Variants in DENND1B observed in about 807,000 individuals in gnomAD.
DENND1B encodes DENN domain containing 1B, also known as DENN domain-containing protein 1B.
DENND1B carries 59 observed loss-of-function variants against 90.1 expected under a neutral mutation model. The ratio of observed to expected loss-of-function variants is 0.65; its 90% CI spans 0.53 to 0.81. The LOEUF (loss-of-function observed/expected upper bound fraction) is 0.81. Among genes scored for constraint, DENND1B ranks in the 40% least tolerant of loss-of-function variants. The probability of loss-of-function intolerance (pLI) is 0.00; values close to 1 mark genes in which losing one functional copy is unlikely to be tolerated. For synonymous variants in DENND1B, 337 were observed against 324.6 expected, an observed-to-expected ratio of 1.04 and a Z score of -0.41; for missense variants, 862 against 912.6, an observed-to-expected ratio of 0.94 and a Z score of 0.71.
chr1:197,558,539 G>A (rs1457899768), intron 15 of DENND1B, among the ~76,000 whole-genome samples: 2 of 151,638 alleles, frequency 1.3e-5, no homozygotes, highest in African/African-American at 2.4e-5. Context: ...CAGAGGCCAC[G>A]CTCTAGTTTT....
intron 5 of DENND1B, among the ~76,000 whole-genome samples, chr1:197,664,680 T>C (rs754564119): frequency 2.6e-5 from 4 of 152,152 alleles, no homozygotes; most frequent in East Asian, 3.8e-4. Context: ...ACCTAACTTA[T>C]AGTAATCAAA....
intron 10 of DENND1B, among the ~76,000 whole-genome samples, chr1:197,634,625 T>C (rs1384787220): frequency 6.6e-6 from 1 of 152,058 alleles, no homozygotes; most frequent in Non-Finnish European, 1.5e-5. Flanking sequence ...GGCATAGACT[T>C]TTAAAAAAAA....
At chr1:197,544,286 T>G (rs1366426727) in intron 18 of DENND1B, among the ~76,000 whole-genome samples, 1 of 152,136 alleles carries the variant, frequency 6.6e-6, no homozygotes, top group African/African-American at 2.4e-5. Flanking sequence ...TGGTGTTGAC[T>G]AGGTGGATAA....
chr1:197,514,725 T>G (rs1359364661), intron 20 of DENND1B, among the ~76,000 whole-genome samples: 1 of 151,660 alleles, frequency 6.6e-6, no homozygotes, highest in African/African-American at 2.4e-5. Context: ...TAAAGTTGTT[T>G]TTTTTTAATG....
chr1:197,519,047 T>C (rs948559343), intron 20 of DENND1B, among the ~76,000 whole-genome samples: 3 of 151,938 alleles, frequency 2.0e-5, no homozygotes, highest in Admixed American at 6.6e-5. Context: ...ATGTTTCTTG[T>C]CCATAGAGAT....
chr1:197,584,688 G>A (rs1223612180), intron 14 of DENND1B, among the ~76,000 whole-genome samples: 1 of 152,024 alleles, frequency 6.6e-6, no homozygotes, highest in Admixed American at 6.6e-5. Context: ...GAGGGGAGGG[G>A]TTGGGGAGGG....
At chr1:197,758,853 G>T (rs1219003053) in intron 2 of DENND1B, among the ~76,000 whole-genome samples, 4 of 150,982 alleles carry the variant, frequency 2.6e-5, no homozygotes. Flanking sequence ...TACATCTTAT[G>T]AAATTCTCTC....
chr1:197,600,750 G>GA (rs1218390668), intron 13 of DENND1B, among the ~76,000 whole-genome samples: 1 of 151,646 alleles, frequency 6.6e-6, no homozygotes, highest in Non-Finnish European at 1.5e-5. Flanking sequence ...TGAGAGATAT[G>GA]AAATAAGAAT....
intron 14 of DENND1B, among the ~76,000 whole-genome samples, chr1:197,587,769 A>G (rs1369291691): frequency 6.6e-6 from 1 of 152,150 alleles, no homozygotes; most frequent in East Asian, 1.9e-4. Context: ...CTTTATTTAT[A>G]TTATTATTAC....
chr1:197,546,667 A>C, intron 17 of DENND1B, 66 bp downstream of exon 17: 1 of 1,335,180 alleles, frequency 7.5e-7, no homozygotes, highest in Non-Finnish European at 1.0e-6. Flanking sequence ...TAAACAGCAT[A>C]CTTTTGCTGA....
intron 10 of DENND1B, among the ~76,000 whole-genome samples, chr1:197,620,083 A>G (rs994406184): frequency 6.6e-6 from 1 of 151,436 alleles, no homozygotes; most frequent in Admixed American, 6.6e-5. Flanking sequence ...GCTTTGGCAA[A>G]TATTTATTCT....
chr1:197,565,890 T>C (rs1301123516), intron 15 of DENND1B, among the ~76,000 whole-genome samples: 1 of 133,036 alleles, frequency 7.5e-6, no homozygotes, highest in East Asian at 2.1e-4. Context: ...AGTCTATCAT[T>C]GTTGGACATT....
chr1:197,679,161 T>C lies in DENND1B; in HGVS notation c.127-4992A>G, dbSNP rs80214485. Among the ~76,000 whole-genome samples the C allele has an allele frequency of 5.3e-3, 799 of 151,902 alleles. 8 individuals are homozygous for C. Among genetic ancestry groups the C allele is most frequent in the African/African-American group, 0.018 (743 of 41,508 alleles). ...TTCTGCCATAAAAAGAACTATGTTA[T>C]AAAATATAAATTTCAGAAATTTCAG... On this transcript the variant is annotated intron_variant, in intron 3 of 22. Transcript: ENST00000620048.
chr1:197,665,093 T>C (rs1007297907), intron 5 of DENND1B, among the ~76,000 whole-genome samples: 1 of 152,130 alleles, frequency 6.6e-6, no homozygotes, highest in African/African-American at 2.4e-5. Flanking sequence ...AGGATAGACA[T>C]GTCATAGAAA....
intron 5 of DENND1B, among the ~76,000 whole-genome samples, chr1:197,671,666 G>T (rs183880187): frequency 4.9e-4 from 75 of 152,174 alleles, no homozygotes; most frequent in African/African-American, 1.0e-3. Context: ...TCTTAAAGCA[G>T]CAGTTCACTT....
chr1:197,571,508 C>T (rs544458375), intron 15 of DENND1B, among the ~76,000 whole-genome samples: 206 of 152,298 alleles, frequency 1.4e-3, no homozygotes, highest in Non-Finnish European at 2.4e-3. Context: ...CTTCTTTAGA[C>T]GTAGCTTAAA....
chr1:197,755,304 T>G (rs929906638), intron 2 of DENND1B, among the ~76,000 whole-genome samples: 1 of 152,122 alleles, frequency 6.6e-6, no homozygotes, highest in Non-Finnish European at 1.5e-5. Flanking sequence ...AAGATAGGTA[T>G]GAGAATCAAA....
At chr1:197,622,188 A>G (rs1273987572) in intron 10 of DENND1B, among the ~76,000 whole-genome samples, 1 of 151,442 alleles carries the variant, frequency 6.6e-6, no homozygotes, top group African/African-American at 2.4e-5. Context: ...TGAAAATAAT[A>G]GCAACAACAA....
rs1466446726 is a variant in DENND1B at position 197,707,871 on chromosome 1, G to A, written c.126+7160C>T. 1.2e-4 allele frequency among the ~76,000 whole-genome samples: 18 copies of A among 148,162 alleles called. No homozygotes were observed. In the South Asian group the frequency reaches 3.4e-3, roughly 28 times the overall value. Reference sequence around the variant, plus strand: ...AGTGGGCGCAGGCCAGTGTGTGTGCGCACCGTGCGCGAGCCGAAGCAGGGC... The same window carrying A: ...AGTGGGCGCAGGCCAGTGTGTGTGCACACCGTGCGCGAGCCGAAGCAGGGC... On this transcript the variant is annotated intron_variant, in intron 3 of 22. Transcript: ENST00000620048.
Sources: gnomAD v4.1 joint callset for allele counts (sites outside exome capture counted in the v4.1 genomes callset) on GRCh38, gnomAD v4.1.1 for gene constraint, MANE v1.5 for transcripts, NCBI Gene and HGNC (gene_info 2026-07-23, HGNC 2026-07-21) for gene names.